The following SPIRE1 variants were observed in gnomAD, a reference collection of about 807,000 sequenced individuals.
SPIRE1 encodes spire type actin nucleation factor 1.
SPIRE1 carries 40 observed loss-of-function variants against 94.1 expected under a neutral mutation model. The observed-to-expected ratio is 0.43, with a 90% confidence interval of 0.33 to 0.55. The LOEUF is 0.55. Ranked by LOEUF, SPIRE1 falls within the 20% of genes least tolerant of loss-of-function variation. The pLI is 0.06. For synonymous variants in SPIRE1, 376 were observed against 371.7 expected (o/e 1.01, Z -0.13); for missense variants, 838 against 975.2 (o/e 0.86, Z 1.87).
At position 12,449,181 on chromosome 18, in the gene SPIRE1, G is replaced by A; in HGVS notation, c.*457C>T. Reference sequence around the variant, plus strand: ...TGAGCCCCCAGGTCGTGGAGTGTAGGGCTCTGGATCTCTCTGTACACGGGA... The same window carrying A: ...TGAGCCCCCAGGTCGTGGAGTGTAGAGCTCTGGATCTCTCTGTACACGGGA... On this transcript the variant is annotated 3_prime_UTR_variant, in exon 17 of 17. Transcript: ENST00000409402. 1.9e-5 allele frequency: 3 copies of A among 156,360 alleles called. No homozygotes were observed. Among genetic ancestry groups the A allele is most frequent in the Admixed American group, 1.2e-4 (2 of 16,044 alleles). 9.7% of individuals were successfully genotyped at this position (156,360 alleles called of 1,614,324 possible). A position where few individuals can be genotyped will look rare whatever the true frequency, so the allele number is the denominator to read the frequency against.
intron 6 of SPIRE1, among the ~76,000 whole-genome samples, chr18:12,498,210 T>G (rs1289960677): frequency 6.6e-6 from 1 of 152,252 alleles, no homozygotes; most frequent in Non-Finnish European, 1.5e-5. Context: ...ACGCTAAACC[T>G]GTATAAGGAT....
chr18:12,482,174 C>T (rs1296535939), intron 9 of SPIRE1, among the ~76,000 whole-genome samples: 2 of 152,280 alleles, frequency 1.3e-5, no homozygotes, highest in Admixed American at 6.5e-5. Flanking sequence ...GAGACAGTCT[C>T]GCTCTGTCTC....
At chr18:12,463,258 G>T (rs984021392) in intron 12 of SPIRE1, 93 bp downstream of exon 12, 5 of 1,312,576 alleles carry the variant, frequency 3.8e-6, no homozygotes, top group South Asian at 2.0e-5. Context: ...ACTTTTGCAA[G>T]TTTTTTTCTC....
At chr18:12,538,265 C>A (rs1475402541) in intron 3 of SPIRE1, among the ~76,000 whole-genome samples, 1 of 151,956 alleles carries the variant, frequency 6.6e-6, no homozygotes, top group African/African-American at 2.4e-5. Context: ...AAGCATGCAA[C>A]AAAATCATTT....
upstream of SPIRE1, among the ~76,000 whole-genome samples, chr18:12,660,210 AGAC>A (rs1255831879): frequency 6.6e-6 from 1 of 152,218 alleles, no homozygotes; most frequent in African/African-American, 2.4e-5. Context: ...TAAATCTTGA[AGAC>A]AACAATACAG....
At chr18:12,543,869 C>T (rs1363608583) in intron 3 of SPIRE1, among the ~76,000 whole-genome samples, 1 of 152,190 alleles carries the variant, frequency 6.6e-6, no homozygotes, top group East Asian at 1.9e-4. Context: ...AACAATGAGT[C>T]AATTTATGAA....
chr18:12,569,659 G>T (rs900786761), intron 2 of SPIRE1, among the ~76,000 whole-genome samples: 1 of 149,602 alleles, frequency 6.7e-6, no homozygotes, highest in Non-Finnish European at 1.5e-5. Context: ...CAAGAGAAAA[G>T]ACAGCATCAG....
At chr18:12,574,459 G>GA (rs1029641453) in intron 2 of SPIRE1, among the ~76,000 whole-genome samples, 8 of 151,916 alleles carry the variant, frequency 5.3e-5, no homozygotes, top group Admixed American at 2.6e-4. Flanking sequence ...AATGTAGGGA[G>GA]AAAAAAAATG....
rs538770422 is a variant in SPIRE1, at chr18:12,559,327, C to T, written c.373-12423G>A. On this transcript the variant is annotated intron_variant, in intron 2 of 16. Transcript: ENST00000409402. This position sits in a 1 kb window ranked among gnomAD's most constrained non-coding sequence, Gnocchi z 4.7. ...CCAGCGCACCCTCCACAGCTGCTGG[C>T]GCGGGTGCTAAGCCTCTCATTGCCC... Among the ~76,000 whole-genome samples the T allele has an allele frequency of 5.6e-4, 85 of 152,274 alleles. 1 individual carries two copies. Among genetic ancestry groups the T allele is most frequent in the African/African-American group, 1.9e-3 (78 of 41,568 alleles).
intron 2 of SPIRE1, among the ~76,000 whole-genome samples, chr18:12,610,513 A>G (rs2037108675): frequency 6.6e-6 from 1 of 152,038 alleles, no homozygotes; most frequent in African/African-American, 2.4e-5. Context: ...TTGCCCTTCA[A>G]TCCCTTGCCT....
In SPIRE1 at chr18:12,448,023, A is replaced by G. The variant is rs555468323; in HGVS notation, c.*1615T>C. ...TGAAAGCTCTTAAACAGGAGTCTTTAAAATAATGTAAACACTTAAGTAATC... is the reference window on the plus strand; with the variant it reads ...TGAAAGCTCTTAAACAGGAGTCTTTGAAATAATGTAAACACTTAAGTAATC... On this transcript the variant is annotated 3_prime_UTR_variant, in exon 17 of 17. Coordinates refer to ENST00000409402, the MANE Select transcript of SPIRE1 (RefSeq NM_001128626.2). The surrounding 1 kb of genome is among the most constrained non-coding windows in gnomAD (Gnocchi z 4.4). 35 of 152,320 alleles carry G rather than the reference A, an allele frequency of 2.3e-4. No homozygotes were observed. Among genetic ancestry groups the G allele is most frequent in the African/African-American group, 8.2e-4 (34 of 41,572 alleles). The allele number at this position is 152,320 out of a possible 1,614,324, so 9.4% of individuals were successfully genotyped here. A position where few individuals can be genotyped will look rare whatever the true frequency, so the allele number is the denominator to read the frequency against.
chr18:12,610,417 A>C (rs141313800), intron 2 of SPIRE1, among the ~76,000 whole-genome samples: 1 of 152,122 alleles, frequency 6.6e-6, no homozygotes, highest in Non-Finnish European at 1.5e-5. Context: ...ATCTTAAGTT[A>C]TATTTACTTT....
chr18:12,655,034 AAAAG>A lies in SPIRE1; in HGVS notation c.337+2492_337+2495del, dbSNP rs570441994. ...AGAGGGAGACTCCATCTCAAAAAAAAAAAGAAAGAAAGAAAAGAAAAGAAAAAGA... is the reference window on the plus strand; with the variant it reads ...AGAGGGAGACTCCATCTCAAAAAAAAAAAGAAAGAAAAGAAAAGAAAAAGA... On this transcript the variant is annotated intron_variant, in intron 1 of 16. Transcript: ENST00000409402. Among the ~76,000 whole-genome samples the A allele has an allele frequency of 8.6e-5, 13 of 151,830 alleles. No homozygotes were observed. In the South Asian group the frequency reaches 2.5e-3, roughly 29 times the overall value.
intron 4 of SPIRE1, among the ~76,000 whole-genome samples, chr18:12,523,427 C>G (rs2034418282): frequency 6.6e-6 from 1 of 152,112 alleles, no homozygotes; most frequent in African/African-American, 2.4e-5. Context: ...GTTGATAAAG[C>G]AGCAGGAGGG....
At chr18:12,661,967 G>C, upstream of SPIRE1, 1 of 254,568 alleles carries the variant, frequency 3.9e-6, no homozygotes, top group Non-Finnish European at 8.0e-6. Context: ...ATTTTGTTTT[G>C]TTGATTTTGT....
chr18:12,569,340 C>CAAA (rs11344272), intron 2 of SPIRE1, among the ~76,000 whole-genome samples: 2 of 114,416 alleles, frequency 1.7e-5, no homozygotes, highest in Admixed American at 8.8e-5. Context: ...GACTCCGTCT[C>CAAA]AAAAAAAAAA....
At chr18:12,458,687 G>A (rs1417663397) in intron 12 of SPIRE1, among the ~76,000 whole-genome samples, 1 of 152,172 alleles carries the variant, frequency 6.6e-6, no homozygotes, top group Admixed American at 6.5e-5. Context: ...TGGCCTTAGT[G>A]TTCAGATATC....
chr18:12,463,073 A>T (rs897848564), intron 12 of SPIRE1, among the ~76,000 whole-genome samples: 9 of 150,424 alleles, frequency 6.0e-5, no homozygotes, highest in Admixed American at 1.3e-4. Flanking sequence ...AATTATTATT[A>T]TTTTTTTTTG....
chr18:12,488,638 C>T (rs1261629865), intron 8 of SPIRE1, among the ~76,000 whole-genome samples: 4 of 152,044 alleles, frequency 2.6e-5, no homozygotes, highest in Admixed American at 2.0e-4. Context: ...TTATTTACAT[C>T]CCAAGCACAC....
Sources: allele counts gnomAD v4.1 joint callset (sites outside exome capture counted in the v4.1 genomes callset), GRCh38; gene constraint gnomAD v4.1.1; non-coding constraint Gnocchi (gnomAD v3.1); transcripts MANE v1.5; gene names NCBI Gene and HGNC (gene_info 2026-07-23, HGNC 2026-07-21).